Variants in HDAC4 observed in about 807,000 individuals in gnomAD.
HDAC4 encodes the protein histone deacetylase A.
HDAC4 carries 16 observed loss-of-function variants against 135.1 expected under a neutral mutation model. The observed-to-expected ratio is 0.12, with a 90% CI of 0.08 to 0.18. The LOEUF (loss-of-function observed/expected upper bound fraction) is 0.18, where lower values mean the gene tolerates loss of function less well. HDAC4 is among the 10% of genes least tolerant of loss of function. The pLI, the probability that HDAC4 is intolerant of heterozygous loss-of-function variation, is 1.00. For synonymous variants in HDAC4, 685 were observed against 653.4 expected (o/e 1.05, Z -0.74); for missense variants, 1,143 against 1,511.8 (o/e 0.76, Z 4.05).
intron 24 of HDAC4, among the ~76,000 whole-genome samples, chr2:239,061,931 G>A (rs1454585977): frequency 1.3e-5 from 2 of 152,212 alleles, no homozygotes. Flanking sequence ...ACCTGCTTTG[G>A]GCATGGTCTC....
At chr2:239,220,445 A>C (rs183311567) in intron 3 of HDAC4, among the ~76,000 whole-genome samples, 1 of 152,356 alleles carries the variant, frequency 6.6e-6, no homozygotes, top group East Asian at 1.9e-4. Flanking sequence ...AAGAGGAAGA[A>C]GATAATAAAG....
intron 13 of HDAC4, among the ~76,000 whole-genome samples, chr2:239,114,549 G>A (rs1446628658): frequency 6.6e-6 from 1 of 152,220 alleles, no homozygotes; most frequent in East Asian, 1.9e-4. Flanking sequence ...TTTGGTTACT[G>A]GGTGTCAGTG....
rs1267099944 is a variant in HDAC4 at position 239,163,917 on chromosome 2, A to G, written c.497T>C (p.Val166Ala). 6.2e-7 allele frequency: 1 copy of G among 1,614,066 alleles called. No homozygotes were observed. The highest frequency in any genetic ancestry group is 1.7e-5 in the Admixed American group (1 of 60,028). The change falls in exon 6 of 27, where the codon GTG becomes GCG. Residue 166 changes from valine (V) to alanine (A), a missense_variant. Val to Ala is a moderately conservative substitution (Grantham distance 64). Coordinates refer to ENST00000543185, the MANE Select transcript of HDAC4 (RefSeq NM_001378414.1). ...CTTCATCTTCACTTCTGTGCTGGCC[A>G]CGGCACCTGGCGTGGGAGAAAGCAT... ...KNKEKGKESA[V>A]ASTEVKMKLQ... is the part of the protein sequence containing the mutation.
chr2:239,117,654 A>G (rs2039265425), intron 12 of HDAC4, among the ~76,000 whole-genome samples: 1 of 151,716 alleles, frequency 6.6e-6, no homozygotes, highest in Admixed American at 6.6e-5. Flanking sequence ...TCTCAGAAGA[A>G]GGCACTGACT....
chr2:239,066,099 G>C (rs1239834193), intron 24 of HDAC4, among the ~76,000 whole-genome samples: 2 of 151,798 alleles, frequency 1.3e-5, no homozygotes, highest in African/African-American at 4.9e-5. Context: ...GGGCCCCAGC[G>C]TCATGCTGGA....
chr2:239,349,933 C>T lies in HDAC4; in HGVS notation c.22+2745G>A, dbSNP rs903773414. On this transcript the variant is annotated intron_variant, in intron 2 of 26. Transcript: ENST00000543185. This position sits in a 1 kb window ranked among gnomAD's most constrained non-coding sequence, Gnocchi z 5.7. Reference sequence around the variant, plus strand: ...CCACTGAGAGAGAGAATGGAGAGGTCGTGGGTGGCAATAAGGCGCACACAA... The same window carrying T: ...CCACTGAGAGAGAGAATGGAGAGGTTGTGGGTGGCAATAAGGCGCACACAA... Among the ~76,000 whole-genome samples the T allele has an allele frequency of 2.0e-5, 3 of 152,156 alleles. No individual in the cohort carries two copies. Among genetic ancestry groups the T allele is most frequent in the Admixed American group, 6.5e-5 (1 of 15,278 alleles).
chr2:239,288,207 G>A (rs1228738502), intron 2 of HDAC4, among the ~76,000 whole-genome samples: 1 of 152,174 alleles, frequency 6.6e-6, no homozygotes, highest in African/African-American at 2.4e-5. Flanking sequence ...AAGAGATAAG[G>A]GAAGTTTAAC....
At chr2:239,347,671 C>T (rs909639494) in intron 2 of HDAC4, among the ~76,000 whole-genome samples, 4 of 152,090 alleles carry the variant, frequency 2.6e-5, no homozygotes, top group Non-Finnish European at 4.4e-5. Context: ...CGTGCCACCA[C>T]GCCTGGCTAA....
chr2:239,110,610 G>C (rs903912695), intron 14 of HDAC4, among the ~76,000 whole-genome samples: 4 of 152,372 alleles, frequency 2.6e-5, no homozygotes, highest in African/African-American at 9.6e-5. Flanking sequence ...TAAGACCTGA[G>C]AGTGAGAACC....
rs1559475526 is a variant in HDAC4, at chr2:239,124,756, G to GACATTCCGGTGTGCCGGCGTGTGGCCGCA, written c.1533+1699_1533+1700insTGCGGCCACACGCCGGCACACCGGAATGT. Among the ~76,000 whole-genome samples the GACATTCCGGTGTGCCGGCGTGTGGCCGCA allele has an allele frequency of 1.4e-3, 145 of 105,664 alleles. 2 individuals are homozygous for GACATTCCGGTGTGCCGGCGTGTGGCCGCA. The highest frequency in any genetic ancestry group is 1.6e-3 in the South Asian group (5 of 3,106). 69.3% of individuals were successfully genotyped at this position (105,664 alleles called of 152,430 possible). A position where few individuals can be genotyped will look rare whatever the true frequency, so the allele number is the denominator to read the frequency against. The stretch of plus-strand genomic sequence containing the variant: ...GTGGCTGCGTTATATGACATTCCAT[G>GACATTCCGGTGTGCCGGCGTGTGGCCGCA]TTATGTGACATTCTGGTGTGCTGGC... On this transcript the variant is annotated intron_variant, in intron 12 of 26. Coordinates refer to ENST00000543185, the MANE Select transcript of HDAC4 (RefSeq NM_001378414.1).
chr2:239,325,356 C>A (rs1344291681), intron 2 of HDAC4, among the ~76,000 whole-genome samples: 1 of 152,006 alleles, frequency 6.6e-6, no homozygotes, highest in African/African-American at 2.4e-5. Flanking sequence ...TATGAAGTAC[C>A]CCTACAACAC....
intron 1 of HDAC4, among the ~76,000 whole-genome samples, chr2:239,356,773 G>C (rs796257312): frequency 2.2e-4 from 33 of 152,198 alleles, no homozygotes; most frequent in African/African-American, 7.7e-4. Flanking sequence ...GTGTGCATAG[G>C]TATTCACTCA....
chr2:239,150,847 A>T (rs1035470820), intron 7 of HDAC4, among the ~76,000 whole-genome samples: 1 of 150,222 alleles, frequency 6.7e-6, no homozygotes, highest in Non-Finnish European at 1.5e-5. Flanking sequence ...CACATACAGC[A>T]GCAGGAAGTC....
rs562067631 is a variant in HDAC4, at chr2:239,075,649, C to T, written c.2750+5446G>A. ...GTGGCCTCTGCATTTAGGGAGGTCC[C>T]GTGTGAAGCCGTGGGGTGCCACGCA... On this transcript the variant is annotated intron_variant, in intron 22 of 26. Transcript: ENST00000543185. Among the ~76,000 whole-genome samples the T allele has an allele frequency of 7.4e-3, 1,128 of 152,338 alleles. 5 individuals are homozygous for T. Among genetic ancestry groups the T allele is most frequent in the Non-Finnish European group, 0.011 (764 of 68,022 alleles).
At chr2:239,264,386 G>C (rs1247241373) in intron 2 of HDAC4, among the ~76,000 whole-genome samples, 1 of 152,246 alleles carries the variant, frequency 6.6e-6, no homozygotes, top group Non-Finnish European at 1.5e-5. Context: ...GCAGGAAACT[G>C]GATTTTGTTT....
At position 239,352,054 on chromosome 2, in the gene HDAC4, C is replaced by T. The variant is rs1040303422; in HGVS notation, c.22+624G>A. Among the ~76,000 whole-genome samples, 2 of 152,222 alleles carry T rather than the reference C, an allele frequency of 1.3e-5. No individual in the cohort carries two copies. The highest frequency in any genetic ancestry group is 2.9e-5 in the Non-Finnish European group (2 of 68,042). On this transcript the variant is annotated intron_variant, in intron 2 of 26. Coordinates refer to ENST00000543185, the MANE Select transcript of HDAC4 (RefSeq NM_001378414.1). The surrounding 1 kb of genome is among the most constrained non-coding windows in gnomAD (Gnocchi z 4.4). ...CGTAAATGGATGGGCCCATGACATG[C>T]TTCTGAAGCTCAGAGCAGGACAAGC...
intron 23 of HDAC4, 34 bp from the exon 24 acceptor site, chr2:239,066,889 G>A (rs758056234): frequency 7.5e-6 from 12 of 1,604,162 alleles, no homozygotes; most frequent in South Asian, 4.4e-5. Flanking sequence ...CAGTGTGAAC[G>A]GGGGAGGACC....
chr2:239,387,444 C>G (rs1695895036), intron 1 of HDAC4, among the ~76,000 whole-genome samples: 1 of 152,176 alleles, frequency 6.6e-6, no homozygotes, highest in Non-Finnish European at 1.5e-5. Flanking sequence ...TACAAAACCC[C>G]CCACCTTCGC....
chr2:239,267,086 A>G (rs1005782257), intron 2 of HDAC4, among the ~76,000 whole-genome samples: 2 of 151,168 alleles, frequency 1.3e-5, no homozygotes, highest in African/African-American at 4.8e-5. Context: ...GCAGCTGTAC[A>G]CTGCATGGGG....
Sources: allele counts gnomAD v4.1 joint callset (sites outside exome capture counted in the v4.1 genomes callset), GRCh38; gene constraint gnomAD v4.1.1; non-coding constraint Gnocchi (gnomAD v3.1); transcripts MANE v1.5; gene names NCBI Gene and HGNC (gene_info 2026-07-23, HGNC 2026-07-21).